Variants in OTUD7A observed in about 807,000 individuals in gnomAD.
The protein encoded by OTUD7A is OTU domain-containing protein 7A.
A neutral mutation model predicts 65.7 loss-of-function variants in OTUD7A; 12 were observed. That is an observed-to-expected ratio of 0.18 (90% CI 0.12 to 0.30). The LOEUF is 0.30. Among genes scored for constraint, OTUD7A ranks in the 10% least tolerant of loss-of-function variants. OTUD7A has a pLI of 1.00. For synonymous variants in OTUD7A, 641 were observed against 586.3 expected, an observed-to-expected ratio of 1.09 and a Z score of -1.35; for missense variants, 1,148 against 1,304.8, an observed-to-expected ratio of 0.88 and a Z score of 1.85.
At chr15:31,604,994 G>A (rs1283773051) in intron 3 of OTUD7A, among the ~76,000 whole-genome samples, 1 of 152,210 alleles carries the variant, frequency 6.6e-6, no homozygotes, top group Non-Finnish European at 1.5e-5. Flanking sequence ...GAGGCACAGG[G>A]CGGAACAAAG....
chr15:31,780,596 A>T (rs1297556305), intron 1 of OTUD7A, among the ~76,000 whole-genome samples: 1 of 152,194 alleles, frequency 6.6e-6, no homozygotes, highest in Non-Finnish European at 1.5e-5. Context: ...CTAACGAGGG[A>T]TTTCTCACAG....
intron 1 of OTUD7A, among the ~76,000 whole-genome samples, chr15:31,670,764 G>A (rs1373473296): frequency 1.3e-5 from 2 of 152,162 alleles, no homozygotes; most frequent in Middle Eastern, 3.2e-3. Flanking sequence ...GGCCGAAGCG[G>A]GCGGATCACG....
intron 5 of OTUD7A, among the ~76,000 whole-genome samples, chr15:31,546,861 C>T (rs1566913172): frequency 6.6e-6 from 1 of 152,188 alleles, no homozygotes; most frequent in Non-Finnish European, 1.5e-5. Flanking sequence ...GCAGAAGAAT[C>T]CAGAACTTAA....
In OTUD7A at chr15:31,503,909, T is replaced by G. The variant is rs943584663; in HGVS notation, c.894-91A>C. 3.4e-6 allele frequency: 5 copies of G among 1,473,540 alleles called. No individual in the cohort carries two copies. The African/African-American group carries it at 4.2e-5, about 12-fold the overall frequency. 91.3% of individuals were successfully genotyped at this position (1,473,540 alleles called of 1,614,324 possible). ...ACTGCTTCATGCAGGGGCTGAGCCC[T>G]CCCCACTCTGGATATTATCTTCATG... On this transcript the variant is annotated intron_variant, in intron 8 of 12. Transcript: ENST00000307050.
rs147681250 is a variant in OTUD7A at position 31,733,872 on chromosome 15, G to T, written c.-99-76795C>A. Among the ~76,000 whole-genome samples, 513 of 152,312 alleles carry T rather than the reference G, an allele frequency of 3.4e-3. 5 individuals carry two copies. Among genetic ancestry groups the T allele is most frequent in the Non-Finnish European group, 6.3e-3 (431 of 68,022 alleles). On this transcript the variant is annotated intron_variant, in intron 1 of 12. Coordinates refer to ENST00000307050, the MANE Select transcript of OTUD7A (RefSeq NM_001382637.1). Reference sequence around the variant, plus strand: ...CCAACCAGCCATCCAAAACAAGAGTGTTCAGAGGATGCCTGAAAGCTACAG... The same window carrying T: ...CCAACCAGCCATCCAAAACAAGAGTTTTCAGAGGATGCCTGAAAGCTACAG...
intron 3 of OTUD7A, among the ~76,000 whole-genome samples, chr15:31,610,080 A>G (rs1217554746): frequency 6.6e-6 from 1 of 151,954 alleles, no homozygotes; most frequent in Non-Finnish European, 1.5e-5. Flanking sequence ...CTTCCCTCTG[A>G]CAGAGCCTAC....
chr15:31,780,050 G>T (rs1895496244), intron 1 of OTUD7A, among the ~76,000 whole-genome samples: 1 of 152,114 alleles, frequency 6.6e-6, no homozygotes, highest in Admixed American at 6.5e-5. Context: ...ACCAAGAAGA[G>T]AGTGCCTGGG....
intron 3 of OTUD7A, among the ~76,000 whole-genome samples, chr15:31,636,415 C>T (rs916307059): frequency 4.6e-5 from 7 of 152,166 alleles, no homozygotes; most frequent in Non-Finnish European, 8.8e-5. Context: ...ACTTAATAAA[C>T]GTTGTGTGTG....
At chr15:31,589,295 T>A (rs573132867) in intron 3 of OTUD7A, among the ~76,000 whole-genome samples, 7 of 138,132 alleles carry the variant, frequency 5.1e-5, no homozygotes, top group Admixed American at 1.4e-4. Flanking sequence ...CTCATTTTGT[T>A]TTTCTGGGTT....
chr15:31,735,763 A>C (rs1320810519), intron 1 of OTUD7A, among the ~76,000 whole-genome samples: 1 of 152,232 alleles, frequency 6.6e-6, no homozygotes. Flanking sequence ...ATGCACCTAT[A>C]TGTTCATTAA....
At chr15:31,855,800 C>A (rs931598223) in intron 1 of OTUD7A, among the ~76,000 whole-genome samples, 7 of 152,204 alleles carry the variant, frequency 4.6e-5, no homozygotes, top group Non-Finnish European at 8.8e-5. Context: ...TTGCAAACAG[C>A]AAATGCAACA....
chr15:31,660,193 C>T (rs914336548), intron 1 of OTUD7A, among the ~76,000 whole-genome samples: 24 of 152,386 alleles, frequency 1.6e-4, no homozygotes, highest in African/African-American at 5.5e-4. Flanking sequence ...GTCAGGCATG[C>T]GTTCATCTTG....
At chr15:31,628,454 C>G (rs1163916827) in intron 3 of OTUD7A, among the ~76,000 whole-genome samples, 2 of 152,118 alleles carry the variant, frequency 1.3e-5, no homozygotes, top group Non-Finnish European at 2.9e-5. Flanking sequence ...TGATCTATAT[C>G]TCTGTTTTGG....
intron 1 of OTUD7A, among the ~76,000 whole-genome samples, chr15:31,727,818 C>T (rs1167761630): frequency 1.3e-5 from 2 of 152,210 alleles, no homozygotes; most frequent in Non-Finnish European, 2.9e-5. Context: ...TCTCCTGTTT[C>T]ATCTGAGTAC....
chr15:31,496,225 ATT>A (rs34267794), intron 10 of OTUD7A, among the ~76,000 whole-genome samples: 1 of 145,696 alleles, frequency 6.9e-6, no homozygotes, highest in Non-Finnish European at 1.5e-5. Context: ...TTGATAAATG[ATT>A]TTTTTTTTTT....
At chr15:31,682,824 T>C (rs570858896) in intron 1 of OTUD7A, among the ~76,000 whole-genome samples, 8 of 152,224 alleles carry the variant, frequency 5.3e-5, no homozygotes, top group Admixed American at 2.6e-4. Flanking sequence ...TGTGTATTTG[T>C]GACTTCTGTG....
chr15:31,808,136 C>CACACACACACACACACAAAAAAAA (rs772574742), intron 1 of OTUD7A, among the ~76,000 whole-genome samples: 1 of 119,416 alleles, frequency 8.4e-6, no homozygotes, highest in African/African-American at 2.8e-5. Flanking sequence ...CACACACACA[C>CACACACACACACACACAAAAAAAA]AAACAAATCC....
At chr15:31,720,809 A>AT (rs1331405106) in intron 1 of OTUD7A, among the ~76,000 whole-genome samples, 3 of 150,876 alleles carry the variant, frequency 2.0e-5, no homozygotes, top group Non-Finnish European at 4.4e-5. Flanking sequence ...TGGCCTTCAC[A>AT]TTCACCGCTC....
chr15:31,566,697 C>G (rs1888886641), intron 4 of OTUD7A, among the ~76,000 whole-genome samples: 3 of 152,112 alleles, frequency 2.0e-5, no homozygotes, highest in Admixed American at 6.5e-5. Flanking sequence ...TTGGACTATC[C>G]CCTTGGTGAT....
Sources: gnomAD v4.1 joint callset for allele counts (sites outside exome capture counted in the v4.1 genomes callset) on GRCh38, gnomAD v4.1.1 for gene constraint, MANE v1.5 for transcripts, NCBI Gene and HGNC (gene_info 2026-07-23, HGNC 2026-07-21) for gene names.